Variants in CDON observed in about 807,000 individuals in gnomAD.
CDON encodes the protein cell adhesion molecule-related/down-regulated by oncogenes.
A neutral mutation model predicts 120.9 loss-of-function variants in CDON; 73 were observed. That is an observed-to-expected ratio of 0.60 (90% CI 0.50 to 0.73). The LOEUF is 0.73. CDON is among the 30% of genes least tolerant of loss of function. The pLI is 0.00. For missense variants in CDON, 1,470 were observed against 1,587.3 expected (o/e 0.93, Z 1.26); for synonymous variants, 566 against 573.5 (o/e 0.99, Z 0.19).
At chr11:126,019,160 C>A (rs1301611854) in intron 4 of CDON, among the ~76,000 whole-genome samples, 1 of 152,096 alleles carries the variant, frequency 6.6e-6, no homozygotes, top group Non-Finnish European at 1.5e-5. Context: ...CCAACAATGG[C>A]CAGGCACAAG....
chr11:126,000,005 T>C (rs1034409343), intron 11 of CDON, among the ~76,000 whole-genome samples: 10 of 152,230 alleles, frequency 6.6e-5, no homozygotes, highest in African/African-American at 2.2e-4. Context: ...TCGTTCTCCT[T>C]TGAAGTTTAG....
intron 17 of CDON, among the ~76,000 whole-genome samples, chr11:125,979,711 A>T (rs1368721897): frequency 1.3e-5 from 2 of 152,208 alleles, no homozygotes. Flanking sequence ...TTATGGAAAC[A>T]GTGTGTGCTA....
intron 2 of CDON, 113 bp downstream of exon 2, chr11:126,023,288 T>C (rs1247305531): frequency 1.2e-6 from 1 of 821,264 alleles, no homozygotes; most frequent in South Asian, 1.3e-5. Context: ...AAACCAATCT[T>C]AGAAACATCT....
At position 126,019,363 on chromosome 11, in the gene CDON, A is replaced by G. The variant is rs77448359; in HGVS notation, c.496+256T>C. Among the ~76,000 whole-genome samples, 13,492 of 152,238 alleles carry G rather than the reference A, an allele frequency of 0.089. 648 individuals carry two copies. The highest frequency in any genetic ancestry group is 0.11 in the Non-Finnish European group (7,377 of 68,014). ...ATAAAGGGGCCAGAGAGCACCAGGC[A>G]TATTATTTTAGATAGGACCATGAGG... On this transcript the variant is annotated intron_variant, in intron 4 of 19. Transcript: ENST00000531738.
At position 126,015,437 on chromosome 11, in the gene CDON, G is replaced by A. The variant is rs756610527; in HGVS notation, c.1002C>T (p.Asp334=). The change falls in exon 7 of 20, where the codon GAC becomes GAT. Residue 334 remains aspartate, a synonymous_variant. Transcript: ENST00000531738. The part of the protein sequence containing the change: ...SLGATVHFTC[D]VHGNPAPNCT... ...AGTTGGGGGCTGGGTTCCCATGAAC[G>A]TCGCAGGTAAAGTGTACTGTGGCAC... 9.9e-6 allele frequency: 16 copies of A among 1,613,934 alleles called. No individual in the cohort carries two copies. The highest frequency in any genetic ancestry group is 1.3e-5 in the African/African-American group (1 of 74,926).
chr11:125,958,592 T>TGTGTGTGTGTGTGTGTG lies in CDON; in HGVS notation c.*2349_*2350insCACACACACACACACAC, dbSNP rs1555111498. On this transcript the variant is annotated 3_prime_UTR_variant, in exon 20 of 20. Coordinates refer to ENST00000531738, the MANE Select transcript of CDON (RefSeq NM_001378964.1). ...GTGTGTGTGTGTGTGTGTGTGTGTG[T>TGTGTGTGTGTGTGTGTG]TTATATATATATATTTATATATTTC... The TGTGTGTGTGTGTGTGTG allele has an allele frequency of 2.0e-5, 3 of 146,418 alleles. No individual in the cohort carries two copies. The highest frequency in any genetic ancestry group is 7.5e-5 in the African/African-American group (3 of 40,018). The allele number at this position is 146,418 out of a possible 1,614,324, so 9.1% of individuals were successfully genotyped here.
intron 11 of CDON, 110 bp downstream of exon 11, chr11:126,001,609 T>C (rs760410582): frequency 7.6e-5 from 68 of 896,268 alleles, no homozygotes; most frequent in Admixed American, 3.9e-4. Flanking sequence ...CTAAAAGAAC[T>C]GTATGGTAAG....
chr11:126,008,552 C>T (rs1321886848), intron 8 of CDON, among the ~76,000 whole-genome samples: 6 of 152,062 alleles, frequency 3.9e-5, no homozygotes, highest in Non-Finnish European at 7.4e-5. Context: ...AAAGGGCTTC[C>T]GATTTCTCAT....
chr11:126,022,621 T>C (rs1178116435), intron 2 of CDON, among the ~76,000 whole-genome samples: 3 of 152,186 alleles, frequency 2.0e-5, no homozygotes, highest in African/African-American at 2.4e-5. Flanking sequence ...TCTACTTCTA[T>C]AGAATATTTA....
intron 11 of CDON, among the ~76,000 whole-genome samples, chr11:125,998,649 T>C (rs59787029): frequency 8.3e-4 from 126 of 152,318 alleles, no homozygotes; most frequent in African/African-American, 2.9e-3. Context: ...ACAAGCAATC[T>C]TGTGGTTGTA....
intron 18 of CDON, among the ~76,000 whole-genome samples, chr11:125,976,380 T>C (rs1449713011): frequency 6.6e-6 from 1 of 152,130 alleles, no homozygotes; most frequent in Non-Finnish European, 1.5e-5. Context: ...AACAGGCAGA[T>C]TCTCATGAGG....
chr11:126,016,620 A>G (rs1947475803), intron 6 of CDON, among the ~76,000 whole-genome samples: 2 of 151,902 alleles, frequency 1.3e-5, no homozygotes, highest in Non-Finnish European at 2.9e-5. Flanking sequence ...TTTGGTAGAG[A>G]TGGGGTTTCG....
Position 125,997,679 on chromosome 11 carries a change from C to A in CDON, c.2159-269G>T, listed in dbSNP as rs144279273. Among the ~76,000 whole-genome samples, 561 of 152,274 alleles carry A rather than the reference C, an allele frequency of 3.7e-3. 3 individuals carry two copies. Among genetic ancestry groups the A allele is most frequent in the Middle Eastern group, 6.8e-3 (2 of 294 alleles). On this transcript the variant is annotated intron_variant, in intron 11 of 19. Coordinates refer to ENST00000531738, the MANE Select transcript of CDON (RefSeq NM_001378964.1). The stretch of plus-strand genomic sequence containing the variant: ...AACAAGTATGATCATTTTGACCATG[C>A]TATTCAGATTCATGGCTGAAATAAA...
intron 2 of CDON, among the ~76,000 whole-genome samples, 183 bp downstream of exon 2, chr11:126,023,218 C>T (rs1328372100): frequency 6.6e-6 from 1 of 152,168 alleles, no homozygotes; most frequent in East Asian, 1.9e-4. Flanking sequence ...ATGCCCAAAG[C>T]ACTACCAAGA....
At chr11:125,971,251 C>T (rs997422538) in intron 18 of CDON, among the ~76,000 whole-genome samples, 43 of 152,006 alleles carry the variant, frequency 2.8e-4, no homozygotes, top group East Asian at 1.9e-3. Context: ...GGTGTGGTGG[C>T]GGGCACTTGT....
At chr11:126,036,631 T>G (rs1948103711) in intron 1 of CDON, among the ~76,000 whole-genome samples, 1 of 152,246 alleles carries the variant, frequency 6.6e-6, no homozygotes, top group African/African-American at 2.4e-5. Flanking sequence ...TGTGGACTTC[T>G]GTGCACAACA....
rs150950960 is a variant in CDON, at chr11:126,034,538, T to TA, written c.-61-11002dup. On this transcript the variant is annotated intron_variant, in intron 1 of 19. Coordinates refer to ENST00000531738, the MANE Select transcript of CDON (RefSeq NM_001378964.1). The surrounding 1 kb of genome is among the most constrained non-coding windows in gnomAD (Gnocchi z 4.5). ...GTTCTATTCACAATATTTGTGTGTT[T>TA]AAAAAAAAAAGTCAAGTGTTCCTGT... Among the ~76,000 whole-genome samples the TA allele has an allele frequency of 1.9e-4, 29 of 148,916 alleles. No homozygotes were observed. The highest frequency in any genetic ancestry group is 5.4e-4 in the African/African-American group (22 of 40,684).
At position 126,062,774 on chromosome 11, in the gene CDON, A is replaced by AGGGC. The variant is rs1210450911; in HGVS notation, c.-261_-258dup. 10 of 150,774 alleles carry AGGGC rather than the reference A, an allele frequency of 6.6e-5. No homozygotes were observed. Among genetic ancestry groups the AGGGC allele is most frequent in the Admixed American group, 4.6e-4 (7 of 15,202 alleles). The allele number at this position is 150,774 out of a possible 1,614,324, so 9.3% of individuals were successfully genotyped here. A position where few individuals can be genotyped will look rare whatever the true frequency, so the allele number is the denominator to read the frequency against. ...GCACGCCGGGGCTGGGGCGCTGGGC[A>AGGGC]GGGCGGGCGGGCGTGGGGTCCCGGG... is the stretch of plus-strand genomic sequence containing the variant. On this transcript the variant is annotated 5_prime_UTR_variant, in exon 1 of 20. Coordinates refer to ENST00000531738, the MANE Select transcript of CDON (RefSeq NM_001378964.1).
intron 18 of CDON, among the ~76,000 whole-genome samples, chr11:125,971,300 G>A (rs572380737): frequency 2.0e-5 from 3 of 151,980 alleles, no homozygotes; most frequent in East Asian, 1.9e-4. Context: ...GGAGAATGGC[G>A]TGAACCTGGG....
Sources: allele counts gnomAD v4.1 joint callset (sites outside exome capture counted in the v4.1 genomes callset), GRCh38; gene constraint gnomAD v4.1.1; non-coding constraint Gnocchi (gnomAD v3.1); transcripts MANE v1.5; gene names NCBI Gene and HGNC (gene_info 2026-07-23, HGNC 2026-07-21).